Variants in WWOX observed in about 807,000 individuals in gnomAD.
The protein encoded by WWOX is WW domain-containing oxidoreductase.
A neutral mutation model predicts 46.2 loss-of-function variants in WWOX; 69 were observed. The observed-to-expected ratio is 1.49, with a 90% confidence interval of 1.23 to 1.82. The LOEUF (loss-of-function observed/expected upper bound fraction) is 1.82, where lower values mean the gene tolerates loss of function less well. Among genes scored for constraint, WWOX ranks in the 40% most tolerant of loss-of-function variants. WWOX has a pLI of 0.00. For missense variants in WWOX, 919 were observed against 542.6 expected, an observed-to-expected ratio of 1.69 and a Z score of -6.89; for synonymous variants, 359 against 202.6, an observed-to-expected ratio of 1.77 and a Z score of -6.56.
intron 8 of WWOX, among the ~76,000 whole-genome samples, chr16:78,709,876 C>T (rs1258438262): frequency 1.3e-5 from 2 of 151,828 alleles, no homozygotes; most frequent in African/African-American, 2.4e-5. Flanking sequence ...TTACAGGCAC[C>T]CGCCACCCGA....
At chr16:78,321,306 ATATATATGCGTATATATATACG>A (rs1389232495) in intron 5 of WWOX, among the ~76,000 whole-genome samples, 8,989 of 72,278 alleles carry the variant, frequency 0.12, 823 homozygotes, top group East Asian at 0.21. Context: ...ATATATACGT[ATATATATGCGTATATATATACG>A]TATATATGCG....
intron 8 of WWOX, among the ~76,000 whole-genome samples, chr16:78,757,681 T>C (rs988647311): frequency 6.6e-6 from 1 of 151,800 alleles, no homozygotes; most frequent in Non-Finnish European, 1.5e-5. Flanking sequence ...TTTATTCACA[T>C]AAACACATTT....
chr16:79,061,460 T>C (rs1188896638), intron 8 of WWOX, among the ~76,000 whole-genome samples: 1 of 152,156 alleles, frequency 6.6e-6, no homozygotes, highest in Non-Finnish European at 1.5e-5. Flanking sequence ...GCACTCTGGG[T>C]GTAAAGCATT....
chr16:78,961,600 G>A (rs1050116769), intron 8 of WWOX, among the ~76,000 whole-genome samples: 1 of 151,970 alleles, frequency 6.6e-6, no homozygotes, highest in Non-Finnish European at 1.5e-5. Flanking sequence ...GGGGATAAAT[G>A]AAAGGCTTGT....
intron 8 of WWOX, among the ~76,000 whole-genome samples, chr16:79,099,864 G>C (rs554017680): frequency 2.0e-5 from 3 of 152,306 alleles, no homozygotes; most frequent in East Asian, 1.9e-4. Context: ...TATAGAAACA[G>C]ATTTATTGCA....
At chr16:78,770,549 C>G (rs1040535656) in intron 8 of WWOX, among the ~76,000 whole-genome samples, 3 of 152,100 alleles carry the variant, frequency 2.0e-5, no homozygotes, top group African/African-American at 7.2e-5. Flanking sequence ...GTGGGACTCA[C>G]TGGGAAACCG....
chr16:78,422,844 TACACACACACACACACACACACACAC>T (rs370327902), intron 6 of WWOX, among the ~76,000 whole-genome samples: 1 of 105,118 alleles, frequency 9.5e-6, no homozygotes, highest in African/African-American at 4.9e-5. Context: ...TATATACATA[TACACACACACACACACACACACACAC>T]ACACACACAC....
intron 5 of WWOX, chr16:78,269,231 G>C (rs1412372847): frequency 6.6e-6 from 1 of 152,202 alleles, no homozygotes; most frequent in Non-Finnish European, 1.5e-5. Flanking sequence ...TTTCTTAATA[G>C]ATATGTCAGA....
intron 8 of WWOX, among the ~76,000 whole-genome samples, chr16:78,775,029 C>T (rs1208185691): frequency 1.3e-5 from 2 of 152,134 alleles, no homozygotes; most frequent in East Asian, 1.9e-4. Context: ...TGGCGAGAGA[C>T]ATCACAGCCC....
At chr16:78,422,887 A>AC (rs1555536433) in intron 6 of WWOX, among the ~76,000 whole-genome samples, 2 of 129,076 alleles carry the variant, frequency 1.5e-5, no homozygotes, top group Admixed American at 7.7e-5. Context: ...ACACACACAT[A>AC]TATTTTTTTT....
At chr16:78,535,634 G>A (rs2043740529) in intron 8 of WWOX, 1 of 152,194 alleles carries the variant, frequency 6.6e-6, no homozygotes, top group Non-Finnish European at 1.5e-5. Flanking sequence ...CCTTCTGACT[G>A]TTAGTGAATA....
chr16:79,124,361 A>C (rs1034828701), intron 8 of WWOX, among the ~76,000 whole-genome samples: 2 of 151,620 alleles, frequency 1.3e-5, no homozygotes, highest in African/African-American at 4.9e-5. Context: ...AAAAAAAATC[A>C]CTGGTTTATT....
At chr16:78,336,969 C>T (rs771016903) in intron 5 of WWOX, among the ~76,000 whole-genome samples, 10 of 151,882 alleles carry the variant, frequency 6.6e-5, no homozygotes, top group South Asian at 4.1e-4. Context: ...TTAGTACAGA[C>T]GGGGTTTCAG....
intron 8 of WWOX, among the ~76,000 whole-genome samples, chr16:79,152,965 G>C (rs931280613): frequency 6.6e-6 from 1 of 152,128 alleles, no homozygotes; most frequent in Non-Finnish European, 1.5e-5. Flanking sequence ...GCGTGAGAGT[G>C]TCAGGGAAGC....
At chr16:78,372,561 C>A (rs1279364315) in intron 5 of WWOX, among the ~76,000 whole-genome samples, 2 of 152,120 alleles carry the variant, frequency 1.3e-5, no homozygotes, top group Non-Finnish European at 2.9e-5. Context: ...GAGGGAAGTG[C>A]CCTGTCCATT....
At chr16:79,188,982 G>T (rs1457478431) in intron 8 of WWOX, among the ~76,000 whole-genome samples, 1 of 152,136 alleles carries the variant, frequency 6.6e-6, no homozygotes, top group Non-Finnish European at 1.5e-5. Context: ...AATCTATATT[G>T]TGACACATAG....
At chr16:78,324,427 C>T (rs1051544675) in intron 5 of WWOX, among the ~76,000 whole-genome samples, 16 of 152,142 alleles carry the variant, frequency 1.1e-4, no homozygotes, top group African/African-American at 3.6e-4. Flanking sequence ...CTAGCAATTC[C>T]ACTCCTAGGT....
chr16:78,209,681 C>G (rs1416688038), intron 5 of WWOX, among the ~76,000 whole-genome samples: 2 of 150,884 alleles, frequency 1.3e-5, no homozygotes, highest in East Asian at 3.9e-4. Context: ...CTAGTCTGAG[C>G]CTTACAGGTT....
chr16:78,434,690 C>A (rs559537551), intron 8 of WWOX, among the ~76,000 whole-genome samples: 20 of 152,222 alleles, frequency 1.3e-4, no homozygotes, highest in African/African-American at 4.8e-4. Context: ...TTCGTTTTCT[C>A]CTTCTTCCAT....
Sources: allele counts gnomAD v4.1 joint callset (sites outside exome capture counted in the v4.1 genomes callset), GRCh38; gene constraint gnomAD v4.1.1; transcripts MANE v1.5; gene names NCBI Gene and HGNC (gene_info 2026-07-23, HGNC 2026-07-21).